CEP128: variants seen among roughly 807,000 people sequenced by gnomAD.
CEP128 encodes the protein centrosomal protein 128, also known as centrosomal protein 128kDa.
A neutral mutation model predicts 156.7 loss-of-function variants in CEP128; 132 were observed. The observed-to-expected ratio is 0.84, with a 90% confidence interval of 0.73 to 0.97. CEP128 has a LOEUF of 0.97. CEP128 is among the 50% of genes least tolerant of loss of function. CEP128 has a pLI of 0.00. For synonymous variants in CEP128, 469 were observed against 448.9 expected (o/e 1.04, Z -0.57); for missense variants, 1,252 against 1,281.9 (o/e 0.98, Z 0.36).
At chr14:80,856,427 C>A (rs545278300) in intron 9 of CEP128, among the ~76,000 whole-genome samples, 2 of 152,292 alleles carry the variant, frequency 1.3e-5, no homozygotes, top group South Asian at 4.1e-4. Context: ...AGGCAGATCA[C>A]TTGAGTCCAG....
Position 80,713,980 on chromosome 14 carries a change from C to T in CEP128, c.2806+29095G>A, listed in dbSNP as rs373723078. 2.0e-5 allele frequency among the ~76,000 whole-genome samples: 3 copies of T among 152,270 alleles called. 1 individual carries two copies. The East Asian group carries it at 5.8e-4, about 29-fold the overall frequency. On this transcript the variant is annotated intron_variant, in intron 19 of 24. Transcript: ENST00000555265. Reference sequence around the variant, plus strand: ...ATTTTTCAGTATCTAGTGTTTCTCTCTCTCACTCTGCTGAGTAGTGAAAAG... The same window carrying T: ...ATTTTTCAGTATCTAGTGTTTCTCTTTCTCACTCTGCTGAGTAGTGAAAAG...
intron 19 of CEP128, among the ~76,000 whole-genome samples, chr14:80,671,499 C>T (rs2140930650): frequency 6.6e-6 from 1 of 152,292 alleles, no homozygotes; most frequent in African/African-American, 2.4e-5. Flanking sequence ...TTCAGTCATT[C>T]TCAAACCTTG....
chr14:80,727,984 C>T (rs980552719), intron 19 of CEP128, among the ~76,000 whole-genome samples: 1 of 152,182 alleles, frequency 6.6e-6, no homozygotes, highest in Admixed American at 6.5e-5. Context: ...CCATTCAACA[C>T]AGCAATCCCA....
intron 24 of CEP128, among the ~76,000 whole-genome samples, chr14:80,502,512 T>C (rs1215825886): frequency 6.6e-6 from 1 of 152,172 alleles, no homozygotes; most frequent in East Asian, 1.9e-4. Flanking sequence ...TATTGTCTCA[T>C]TCTTTTTCTT....
chr14:80,651,224 C>A (rs1279571780), intron 19 of CEP128, among the ~76,000 whole-genome samples: 1 of 152,160 alleles, frequency 6.6e-6, no homozygotes, highest in Admixed American at 6.6e-5. Context: ...ACAGTACTCT[C>A]TGATGGTAGT....
chr14:80,769,046 A>T lies in CEP128; in HGVS notation c.2377-7433T>A, dbSNP rs996099330. Among the ~76,000 whole-genome samples, 8 of 152,340 alleles carry T rather than the reference A, an allele frequency of 5.3e-5. No homozygotes were observed. In the East Asian group the frequency reaches 1.5e-3, roughly 29 times the overall value. ...GAAATAGAAATAACATCCATAATTT[A>T]AAAATCAGCCAATTTTGATGCATTT... On this transcript the variant is annotated intron_variant, in intron 16 of 24. Coordinates refer to ENST00000555265, the MANE Select transcript of CEP128 (RefSeq NM_152446.5).
intron 20 of CEP128, among the ~76,000 whole-genome samples, chr14:80,579,716 T>C (rs1156968155): frequency 1.3e-5 from 2 of 152,212 alleles, no homozygotes; most frequent in Non-Finnish European, 2.9e-5. Context: ...ATTGGTTCTA[T>C]CATGGGAATA....
At chr14:80,953,442 G>T (rs1886510560) in intron 2 of CEP128, among the ~76,000 whole-genome samples, 1 of 152,100 alleles carries the variant, frequency 6.6e-6, no homozygotes, top group African/African-American at 2.4e-5. Context: ...AAAATTAACC[G>T]GGCGTGGTGG....
chr14:80,932,626 A>G (rs1006537578), intron 2 of CEP128, among the ~76,000 whole-genome samples: 1 of 152,180 alleles, frequency 6.6e-6, no homozygotes, highest in Non-Finnish European at 1.5e-5. Flanking sequence ...ACTGTCTCCC[A>G]TGACCCCAAG....
At chr14:80,510,545 A>G (rs1246583830) in intron 23 of CEP128, among the ~76,000 whole-genome samples, 2 of 152,106 alleles carry the variant, frequency 1.3e-5, no homozygotes, top group Non-Finnish European at 2.9e-5. Flanking sequence ...ATCATCAGCA[A>G]ACAAGAATAA....
rs76142583 is a variant in CEP128, at chr14:80,680,031, T to A, written c.2806+63044A>T. Among the ~76,000 whole-genome samples, 1,112 of 152,316 alleles carry A rather than the reference T, an allele frequency of 7.3e-3. 1 individual carries two copies. Among genetic ancestry groups the A allele is most frequent in the Non-Finnish European group, 0.013 (885 of 68,024 alleles). On this transcript the variant is annotated intron_variant, in intron 19 of 24. Coordinates refer to ENST00000555265, the MANE Select transcript of CEP128 (RefSeq NM_152446.5). ...CAGCCAGTCTGTGTGGCAGCGTAGT[T>A]GCGCATGCATTTTAGTCTTGAGCCA...
intron 19 of CEP128, among the ~76,000 whole-genome samples, chr14:80,737,115 A>G (rs1179931870): frequency 2.6e-5 from 4 of 152,212 alleles, no homozygotes; most frequent in African/African-American, 9.6e-5. Flanking sequence ...GTTGTTAAAA[A>G]CAATTATAGG....
intron 13 of CEP128, among the ~76,000 whole-genome samples, chr14:80,820,842 T>C (rs1885125501): frequency 1.3e-5 from 2 of 152,246 alleles, no homozygotes; most frequent in African/African-American, 2.4e-5. Flanking sequence ...GTTTGCCAAA[T>C]TTATTAATCT....
intron 19 of CEP128, among the ~76,000 whole-genome samples, chr14:80,708,857 T>A (rs554781523): frequency 1.0e-3 from 155 of 152,230 alleles, no homozygotes; most frequent in Non-Finnish European, 2.0e-3. Flanking sequence ...TTTATATTTT[T>A]CCATATAAAT....
intron 2 of CEP128, among the ~76,000 whole-genome samples, chr14:80,938,376 AG>A (rs1482188981): frequency 6.6e-6 from 1 of 151,102 alleles, no homozygotes; most frequent in Non-Finnish European, 1.5e-5. Flanking sequence ...CCTCCCAAGT[AG>A]CTGGGACTAC....
intron 2 of CEP128, among the ~76,000 whole-genome samples, chr14:80,934,017 C>T (rs1701119126): frequency 6.6e-6 from 1 of 152,154 alleles, no homozygotes; most frequent in Non-Finnish European, 1.5e-5. Flanking sequence ...TTCAGACAAG[C>T]CCGACCTACC....
chr14:80,933,469 AG>A (rs1230638957), intron 2 of CEP128, among the ~76,000 whole-genome samples: 1 of 152,166 alleles, frequency 6.6e-6, no homozygotes, highest in East Asian at 1.9e-4. Flanking sequence ...TTATATCAGG[AG>A]TCAGCAAATT....
chr14:80,699,934 T>C (rs1897015885), intron 19 of CEP128, among the ~76,000 whole-genome samples: 1 of 152,104 alleles, frequency 6.6e-6, no homozygotes, highest in African/African-American at 2.4e-5. Context: ...TAGTATATCT[T>C]CAAGCAAAGA....
intron 8 of CEP128, among the ~76,000 whole-genome samples, chr14:80,883,864 C>G (rs992760568): frequency 1.3e-5 from 2 of 152,164 alleles, no homozygotes; most frequent in African/African-American, 4.8e-5. Context: ...CAGCATAGAA[C>G]TGGCATAGAA....
Sources: gnomAD v4.1 joint callset for allele counts (sites outside exome capture counted in the v4.1 genomes callset) on GRCh38, gnomAD v4.1.1 for gene constraint, MANE v1.5 for transcripts, NCBI Gene and HGNC (gene_info 2026-07-23, HGNC 2026-07-21) for gene names.